MYH7B: variants seen among roughly 807,000 people sequenced by gnomAD.
MYH7B encodes the protein myosin heavy chain 7B.
A neutral mutation model predicts 234.5 loss-of-function variants in MYH7B; 205 were observed. The ratio of observed to expected loss-of-function variants is 0.87; its 90% confidence interval spans 0.78 to 0.98. MYH7B has a LOEUF of 0.98. Ranked by LOEUF, MYH7B falls within the 50% of genes least tolerant of loss-of-function variation. The pLI, the probability that MYH7B is intolerant of heterozygous loss-of-function variation, is 0.00. For synonymous variants in MYH7B, 1,193 were observed against 1,105.0 expected, an observed-to-expected ratio of 1.08 and a Z score of -1.58; for missense variants, 2,652 against 2,633.4, an observed-to-expected ratio of 1.01 and a Z score of -0.15.
At chr20:34,983,056 T>G (rs1338520427) in intron 10 of MYH7B, among the ~76,000 whole-genome samples, 1 of 152,132 alleles carries the variant, frequency 6.6e-6, no homozygotes, top group African/African-American at 2.4e-5. Context: ...GGGGCCAAGT[T>G]TTTTTGTTTT....
chr20:34,979,490 C>A (rs2081907153), exon 6 of MYH7B: 5 of 1,612,008 alleles, frequency 3.1e-6, no homozygotes, highest in Non-Finnish European at 4.2e-6. Context: ...AGACCAAAGA[C>A]CAGAAGGTTC....
At chr20:34,987,320 C>G in intron 16 of MYH7B, 33 bp downstream of exon 16, 6 of 1,606,168 alleles carry the variant, frequency 3.7e-6, no homozygotes, top group Non-Finnish European at 5.1e-6. Context: ...TCAACTTGAC[C>G]CAGACCTCAG....
At position 34,998,490 on chromosome 20, in the gene MYH7B, CG is replaced by C. The variant is rs755284315; in HGVS notation, c.3875-20del. The C allele has an allele frequency of 2.2e-5, 35 of 1,612,620 alleles. No individual in the cohort carries two copies. In the South Asian group the frequency reaches 3.8e-4, roughly 18 times the overall value. The stretch of plus-strand genomic sequence containing the variant: ...GCAGCCCTCACCAGCCTGACCTGTC[CG>C]CTCGCCTCTTTGCCTGCAGGGGAGC... On this transcript the variant is annotated intron_variant, in intron 33 of 44. Transcript: ENST00000262873.
At chr20:34,991,472 T>C (rs578128617) in intron 24 of MYH7B, among the ~76,000 whole-genome samples, 27 of 152,292 alleles carry the variant, frequency 1.8e-4, no homozygotes, top group Admixed American at 1.6e-3. Context: ...ACAGGGTTTT[T>C]TGATTTGGAG....
At chr20:34,990,385 C>T in intron 22 of MYH7B, 75 bp downstream of exon 22, 1 of 1,529,504 alleles carries the variant, frequency 6.5e-7, no homozygotes, top group Non-Finnish European at 9.1e-7. Flanking sequence ...TGCCCTGTCC[C>T]CTGTGCCTTG....
At chr20:34,957,735 C>T (rs2147145165) in intron 1 of MYH7B, among the ~76,000 whole-genome samples, 1 of 152,248 alleles carries the variant, frequency 6.6e-6, no homozygotes, top group South Asian at 2.1e-4. Context: ...GGTGATCCAC[C>T]CGCCCCAGCC....
intron 22 of MYH7B, 99 bp from the exon 23 acceptor site, chr20:34,990,639 A>C: frequency 2.8e-6 from 3 of 1,057,986 alleles, no homozygotes; most frequent in Non-Finnish European, 1.4e-6. Context: ...AGTGCAGGGC[A>C]CTTAGGGCCC....
At chr20:34,986,053 C>T (rs1489543596) in intron 13 of MYH7B, 47 bp from the exon 14 acceptor site, 8 of 1,503,820 alleles carry the variant, frequency 5.3e-6, no homozygotes, top group Non-Finnish European at 7.3e-6. Flanking sequence ...GGGATGTCCA[C>T]TCTGGGGAGG....
chr20:34,997,780 T>C (rs1221489084), intron 32 of MYH7B, 140 bp downstream of exon 32: 1 of 1,063,768 alleles, frequency 9.4e-7, no homozygotes, highest in Non-Finnish European at 1.3e-6. Context: ...ACAACCCTCA[T>C]TTCTCAGCCT....
At chr20:34,999,762 AC>A (rs752215876) in intron 37 of MYH7B, 28 bp from the exon 38 acceptor site, 92 of 578,512 alleles carry the variant, frequency 1.6e-4, no homozygotes, top group South Asian at 1.3e-3. Flanking sequence ...CCCCCCCCCC[AC>A]CCTACCCTGC....
At chr20:34,992,562 T>TG (rs1491324552) in intron 24 of MYH7B, among the ~76,000 whole-genome samples, 1 of 49,638 alleles carries the variant, frequency 2.0e-5, no homozygotes, top group Admixed American at 3.8e-4. Flanking sequence ...CAAGGTTGTG[T>TG]TTTTTTTTTT....
chr20:34,995,619 G>A (rs1371970335), intron 28 of MYH7B, 41 bp downstream of exon 28: 1 of 1,606,660 alleles, frequency 6.2e-7, no homozygotes, highest in East Asian at 2.2e-5. Context: ...CCTGAGCCAG[G>A]GGCCAGCTTT....
At chr20:34,987,972 G>T in intron 18 of MYH7B, 58 bp downstream of exon 18, 1 of 1,558,054 alleles carries the variant, frequency 6.4e-7, no homozygotes, top group Non-Finnish European at 8.7e-7. Context: ...ACATGGGCCT[G>T]TGGGGGGGCA....
At chr20:34,993,833 G>A (rs1400294558) in intron 26 of MYH7B, among the ~76,000 whole-genome samples, 5 of 152,230 alleles carry the variant, frequency 3.3e-5, no homozygotes. Context: ...CAGCAGAAGG[G>A]TGCCCGTGTC....
Position 34,965,556 on chromosome 20 carries a change from G to A in MYH7B, c.-222+7344G>A, listed in dbSNP as rs552086267. Among the ~76,000 whole-genome samples the A allele has an allele frequency of 9.8e-5, 15 of 152,328 alleles. No individual in the cohort carries two copies. The South Asian group carries it at 3.1e-3, about 32-fold the overall frequency. Reference sequence around the variant, plus strand: ...CCCAGAATGGGATCTGTCTGCTCCTGGGTCTCAAGAAAGACCTGTCTTGTG... The same window carrying A: ...CCCAGAATGGGATCTGTCTGCTCCTAGGTCTCAAGAAAGACCTGTCTTGTG... On this transcript the variant is annotated intron_variant, in intron 2 of 44. Coordinates refer to ENST00000262873, the Ensembl canonical transcript of MYH7B.
chr20:34,974,767 A>G (rs1394605690), intron 2 of MYH7B, among the ~76,000 whole-genome samples: 2 of 152,206 alleles, frequency 1.3e-5, no homozygotes, highest in Non-Finnish European at 2.9e-5. Flanking sequence ...CTGATGCCAT[A>G]GGAGATTAAA....
In MYH7B at chr20:34,990,218, C is replaced by T; in HGVS notation, c.1901-16C>T. 1 of 1,613,986 alleles carries T rather than the reference C, an allele frequency of 6.2e-7. No individual in the cohort carries two copies. The highest frequency in any genetic ancestry group is 2.2e-5 in the East Asian group (1 of 44,888). On this transcript the variant is annotated splice_polypyrimidine_tract_variant and intron_variant, in intron 21 of 44. Coordinates refer to ENST00000262873, the Ensembl canonical transcript of MYH7B. ...GCGACATTCCCTGGAGTGACCAGGC[C>T]CCTTGTCTCTATTAGCTGAGCCCCC... is the stretch of plus-strand genomic sequence containing the variant.
chr20:34,982,124 GCCACAGAACT>G (rs1160020725), intron 9 of MYH7B: 6 of 282,874 alleles, frequency 2.1e-5, no homozygotes, highest in Non-Finnish European at 3.4e-5. Context: ...AGCAGGGACA[GCCACAGAACT>G]CCTGAGGCCC....
chr20:34,963,718 T>C (rs1309193284), intron 2 of MYH7B, among the ~76,000 whole-genome samples: 2 of 152,220 alleles, frequency 1.3e-5, no homozygotes, highest in Non-Finnish European at 2.9e-5. Flanking sequence ...GGCTCTTAAA[T>C]TTAAGTCTTT....
Sources: gnomAD v4.1 joint callset for allele counts (sites outside exome capture counted in the v4.1 genomes callset) on GRCh38, gnomAD v4.1.1 for gene constraint, MANE v1.5 for transcripts, NCBI Gene and HGNC (gene_info 2026-07-23, HGNC 2026-07-21) for gene names.